The following RB1 variants were observed in gnomAD, a reference collection of about 807,000 sequenced individuals.
The protein encoded by RB1 is RB transcriptional corepressor 1, also known as retinoblastoma-associated protein.
Under a neutral mutation model 135.4 loss-of-function variants are expected in RB1, and 18 were observed. The observed-to-expected ratio is 0.13, with a 90% CI of 0.09 to 0.20. The LOEUF (loss-of-function observed/expected upper bound fraction) is 0.20. Among genes scored for constraint, RB1 ranks in the 10% least tolerant of loss-of-function variants. RB1 has a pLI of 1.00. For synonymous variants in RB1, 365 were observed against 373.2 expected (o/e 0.98, Z 0.25); for missense variants, 868 against 1,110.0 (o/e 0.78, Z 3.10).
chr13:48,479,954 C>G (rs778707530), intron 26 of RB1, 44 bp from the exon 27 acceptor site: 1 of 1,541,352 alleles, frequency 6.5e-7, no homozygotes, highest in Non-Finnish European at 8.9e-7. Context: ...GCCAACTTAC[C>G]CAGTACCATC....
At chr13:48,420,883 A>G (rs1393257278) in intron 17 of RB1, among the ~76,000 whole-genome samples, 1 of 152,202 alleles carries the variant, frequency 6.6e-6, no homozygotes, top group Non-Finnish European at 1.5e-5. Flanking sequence ...AAGGAAATAA[A>G]GAGGACACAA....
chr13:48,326,647 A>G (rs1015541413), intron 2 of RB1, among the ~76,000 whole-genome samples: 1 of 152,150 alleles, frequency 6.6e-6, no homozygotes, highest in African/African-American at 2.4e-5. Flanking sequence ...CTTATTCTAA[A>G]CTTAAATACT....
intron 19 of RB1, among the ~76,000 whole-genome samples, chr13:48,457,021 A>G (rs1277314238): frequency 6.6e-6 from 1 of 152,220 alleles, no homozygotes; most frequent in African/African-American, 2.4e-5. Flanking sequence ...GGCATGTTTC[A>G]GCCCTGTTTG....
rs1948518910 is a variant in RB1, at chr13:48,380,041, T to A, written c.1390-12T>A. ...ACAACTTCTTTTTTTTTTTTTAAAT[T>A]ATCTGTTTCAGGAAGAAGAACGATT... On this transcript the variant is annotated splice_polypyrimidine_tract_variant and intron_variant, in intron 14 of 26. Transcript: ENST00000267163. The A allele has an allele frequency of 5.3e-6, 7 of 1,311,562 alleles. No homozygotes were observed. Among genetic ancestry groups the A allele is most frequent in the Non-Finnish European group, 6.2e-6 (6 of 968,344 alleles). 81.2% of individuals were successfully genotyped at this position (1,311,562 alleles called of 1,614,324 possible). A position where few individuals can be genotyped will look rare whatever the true frequency, so the allele number is the denominator to read the frequency against.
chr13:48,328,454 G>C, intron 2 of RB1: 2 of 987,728 alleles, frequency 2.0e-6, no homozygotes, highest in South Asian at 2.5e-5. Flanking sequence ...TTCTTCTTCA[G>C]CTGATCGCTT....
intron 2 of RB1, among the ~76,000 whole-genome samples, chr13:48,336,550 A>G (rs1952387192): frequency 6.6e-6 from 1 of 151,628 alleles, no homozygotes; most frequent in African/African-American, 2.4e-5. Flanking sequence ...ATCATTTTTT[A>G]TTGCATCTAT....
chr13:48,346,856 G>A (rs1340655853), intron 4 of RB1, among the ~76,000 whole-genome samples: 1 of 151,930 alleles, frequency 6.6e-6, no homozygotes, highest in African/African-American at 2.4e-5. Context: ...TAAGGAGGAT[G>A]TATTACCTTT....
chr13:48,444,951 A>G (rs1949273807), intron 17 of RB1: 2 of 151,688 alleles, frequency 1.3e-5, no homozygotes, highest in Non-Finnish European at 2.9e-5. Flanking sequence ...TTTGCATAAT[A>G]TGAAGTTAAA....
Position 48,437,414 on chromosome 13 carries a change from A to G in RB1, c.1696-15579A>G, listed in dbSNP as rs4151560. 5.6e-3 allele frequency among the ~76,000 whole-genome samples: 846 copies of G among 152,368 alleles called. 5 individuals carry two copies. Among genetic ancestry groups the G allele is most frequent in the Middle Eastern group, 0.01 (3 of 294 alleles). ...TCAATTGCTATATTAATTATCTGTT[A>G]GAACAACTAACATTTATTATCTCAC... On this transcript the variant is annotated intron_variant, in intron 17 of 26. Coordinates refer to ENST00000267163, the MANE Select transcript of RB1 (RefSeq NM_000321.3).
chr13:48,308,315 A>T (rs1952103056), intron 2 of RB1, among the ~76,000 whole-genome samples: 2 of 151,322 alleles, frequency 1.3e-5, no homozygotes, highest in South Asian at 4.2e-4. Flanking sequence ...GCACCACTGC[A>T]CTCCAGCCTG....
At chr13:48,321,141 C>T (rs1194203168) in intron 2 of RB1, among the ~76,000 whole-genome samples, 1 of 152,210 alleles carries the variant, frequency 6.6e-6, no homozygotes, top group South Asian at 2.1e-4. Context: ...GCTGACCCTG[C>T]CTGCGCTTGC....
At chr13:48,373,530 T>C (rs371669349) in intron 12 of RB1, 38 bp downstream of exon 12, 124 of 1,336,464 alleles carry the variant, frequency 9.3e-5, no homozygotes, top group Non-Finnish European at 1.3e-4. Flanking sequence ...TGTAATATCT[T>C]GGCAAAGAAA....
In RB1 at chr13:48,318,957, G is replaced by T. The variant is rs1952210684; in HGVS notation, c.264+11551G>T. 3.3e-6 allele frequency: 3 copies of T among 898,852 alleles called. No individual in the cohort carries two copies. In the East Asian group the frequency reaches 7.4e-5, roughly 22 times the overall value. 55.7% of individuals were successfully genotyped at this position (898,852 alleles called of 1,614,324 possible). On this transcript the variant is annotated intron_variant, in intron 2 of 26. Transcript: ENST00000267163. ...GAAGGCACGTTCAGGGAGTAGAAGC[G>T]TGGGCTTGCAGAAAGGGACCTGTTG...
chr13:48,433,787 A>G (rs933421249), intron 17 of RB1, among the ~76,000 whole-genome samples: 4 of 151,888 alleles, frequency 2.6e-5, no homozygotes, highest in African/African-American at 9.7e-5. Context: ...TGGCTTATTC[A>G]GATTTATTCC....
rs1220999094 is a variant in RB1, at chr13:48,325,245, C to T, written c.265-17354C>T. ...AACATGCAGCATTTGGTTTTCTGTT[C>T]CTGCGTTAGTTTGCTAAGGATAATG... On this transcript the variant is annotated intron_variant, in intron 2 of 26. Transcript: ENST00000267163. 2.0e-5 allele frequency among the ~76,000 whole-genome samples: 3 copies of T among 152,114 alleles called. No individual in the cohort carries two copies. The East Asian group carries it at 5.8e-4, about 29-fold the overall frequency.
In RB1 at chr13:48,465,442, A is replaced by G. The variant is rs1949434530; in HGVS notation, c.2489+74A>G. ...TTTTGATCCAAGAATAAAAAATATAAAGCATTCTTCATTTCAAATAAGCTA... is the reference window on the plus strand; with the variant it reads ...TTTTGATCCAAGAATAAAAAATATAGAGCATTCTTCATTTCAAATAAGCTA... On this transcript the variant is annotated intron_variant, in intron 23 of 26. Transcript: ENST00000267163. 5 of 1,393,784 alleles carry G rather than the reference A, an allele frequency of 3.6e-6. No homozygotes were observed. In the Admixed American group the frequency reaches 7.0e-5, roughly 20 times the overall value. 86.3% of individuals were successfully genotyped at this position (1,393,784 alleles called of 1,614,324 possible). A position where few individuals can be genotyped will look rare whatever the true frequency, so the allele number is the denominator to read the frequency against.
chr13:48,377,042 G>A lies in RB1; in HGVS notation c.1332+8G>A, dbSNP rs1952832731. ...GTCGAAATTGGATCACAGGTAACTT[G>A]AATTCATTGTAATTCGTGGTACTAT... On this transcript the variant is annotated splice_region_variant and intron_variant, in intron 13 of 26. Transcript: ENST00000267163. 1 of 1,610,912 alleles carries A rather than the reference G, an allele frequency of 6.2e-7. No homozygotes were observed. The highest frequency in any genetic ancestry group is 1.1e-5 in the South Asian group (1 of 91,014).
intron 2 of RB1, among the ~76,000 whole-genome samples, chr13:48,311,070 C>G (rs962491078): frequency 6.6e-6 from 1 of 152,050 alleles, no homozygotes; most frequent in Non-Finnish European, 1.5e-5. Context: ...TGCCTTGGAC[C>G]TCAAGGCAGG....
chr13:48,320,137 C>A, intron 2 of RB1: 1 of 802,288 alleles, frequency 1.2e-6, no homozygotes. Flanking sequence ...CACCAACGGG[C>A]CAAAGTCTGC....
Sources: allele counts gnomAD v4.1 joint callset (sites outside exome capture counted in the v4.1 genomes callset), GRCh38; gene constraint gnomAD v4.1.1; transcripts MANE v1.5; gene names NCBI Gene and HGNC (gene_info 2026-07-23, HGNC 2026-07-21).